CORIN: variants seen among roughly 807,000 people sequenced by gnomAD.
CORIN encodes the protein corin, serine peptidase.
Under a neutral mutation model 125.3 loss-of-function variants are expected in CORIN, and 117 were observed. That is an observed-to-expected ratio of 0.93 (90% CI 0.80 to 1.09). The LOEUF (loss-of-function observed/expected upper bound fraction) is 1.09, where lower values mean the gene tolerates loss of function less well. Ranked by LOEUF, CORIN falls within the 50% of genes least tolerant of loss-of-function variation. The pLI, the probability that CORIN is intolerant of heterozygous loss-of-function variation, is 0.00. For missense variants in CORIN, 1,253 were observed against 1,306.7 expected (o/e 0.96, Z 0.63); for synonymous variants, 450 against 466.4 (o/e 0.96, Z 0.45).
chr4:47,694,000 A>G (rs1200313788), intron 5 of CORIN, among the ~76,000 whole-genome samples: 1 of 152,194 alleles, frequency 6.6e-6, no homozygotes, highest in Non-Finnish European at 1.5e-5. Flanking sequence ...ATCATTATGA[A>G]TTTATGTTTT....
At chr4:47,777,853 G>A (rs1275662965) in intron 3 of CORIN, among the ~76,000 whole-genome samples, 1 of 152,196 alleles carries the variant, frequency 6.6e-6, no homozygotes, top group Non-Finnish European at 1.5e-5. Flanking sequence ...GATTCCCACT[G>A]ATGGGTTTTT....
chr4:47,672,278 T>C (rs971693537), intron 10 of CORIN, among the ~76,000 whole-genome samples: 1 of 152,196 alleles, frequency 6.6e-6, no homozygotes, highest in Non-Finnish European at 1.5e-5. Flanking sequence ...TCCAGTTGCC[T>C]TTCCTACAAT....
At chr4:47,754,019 T>C (rs1358662079) in intron 4 of CORIN, among the ~76,000 whole-genome samples, 1 of 152,176 alleles carries the variant, frequency 6.6e-6, no homozygotes, top group Non-Finnish European at 1.5e-5. Context: ...ATAATACCGA[T>C]GAATTATTGA....
intron 19 of CORIN, among the ~76,000 whole-genome samples, chr4:47,608,647 A>G (rs1481875905): frequency 6.6e-6 from 1 of 152,236 alleles, no homozygotes; most frequent in Non-Finnish European, 1.5e-5. Context: ...TCACGTTTAC[A>G]CTATTGTTTT....
chr4:47,607,953 A>ACG (rs1428498625), intron 19 of CORIN, among the ~76,000 whole-genome samples: 2 of 102,946 alleles, frequency 1.9e-5, no homozygotes, highest in Non-Finnish European at 3.8e-5. Flanking sequence ...TCTCAAAAAA[A>ACG]AGAAAAAAAA....
At chr4:47,815,113 T>C (rs1051582100) in intron 1 of CORIN, among the ~76,000 whole-genome samples, 6 of 152,182 alleles carry the variant, frequency 3.9e-5, no homozygotes, top group Non-Finnish European at 8.8e-5. Context: ...ACTTGTACAA[T>C]ACTTTCTCAG....
At chr4:47,616,702 G>A (rs1377733316) in intron 19 of CORIN, among the ~76,000 whole-genome samples, 1 of 152,096 alleles carries the variant, frequency 6.6e-6, no homozygotes, top group Non-Finnish European at 1.5e-5. Flanking sequence ...AAGAGAATGT[G>A]GGACATGGAG....
In CORIN at chr4:47,674,412, G is replaced by GTT. The variant is rs949723331; in HGVS notation, c.1336_1337dup (p.Asn446LysfsTer5). 12 of 1,612,662 alleles carry GTT rather than the reference G, an allele frequency of 7.4e-6. No individual in the cohort carries two copies. Among genetic ancestry groups the GTT allele is most frequent in the Non-Finnish European group, 1.0e-5 (12 of 1,178,692 alleles). ...ACTTACTACAGTTATTCAGACTGTT[G>GTT]TTCGGGTCACAGAGAGAGCTACCAC... On this transcript the variant is annotated frameshift_variant, in exon 10 of 22. Coordinates refer to ENST00000273857, the MANE Select transcript of CORIN (RefSeq NM_006587.4). LOFTEE classifies it high-confidence loss of function.
chr4:47,803,679 A>G (rs1008086688), intron 2 of CORIN, among the ~76,000 whole-genome samples: 1 of 152,266 alleles, frequency 6.6e-6, no homozygotes, highest in Non-Finnish European at 1.5e-5. Context: ...CTAGACTGCT[A>G]TCTCTCGCTA....
At chr4:47,808,752 A>T (rs913999520) in intron 1 of CORIN, among the ~76,000 whole-genome samples, 26 of 152,246 alleles carry the variant, frequency 1.7e-4, no homozygotes, top group Non-Finnish European at 4.4e-5. Flanking sequence ...CTACAAAAAA[A>T]TCAATCAATA....
intron 6 of CORIN, among the ~76,000 whole-genome samples, chr4:47,691,461 C>G (rs908324386): frequency 3.3e-5 from 5 of 152,018 alleles, no homozygotes; most frequent in African/African-American, 1.2e-4. Context: ...AAGAAAATTC[C>G]AAGTCGTAAA....
chr4:47,782,748 T>C (rs1197919092), intron 3 of CORIN, among the ~76,000 whole-genome samples: 1 of 152,108 alleles, frequency 6.6e-6, no homozygotes, highest in Non-Finnish European at 1.5e-5. Context: ...ACATGCTATA[T>C]CACGGATGCA....
intron 5 of CORIN, among the ~76,000 whole-genome samples, chr4:47,743,509 A>C (rs772185144): frequency 1.3e-5 from 2 of 152,284 alleles, no homozygotes; most frequent in Non-Finnish European, 2.9e-5. Flanking sequence ...TACAACTTTT[A>C]TAAGGAGCTG....
chr4:47,770,743 A>C (rs1051658421), intron 3 of CORIN, among the ~76,000 whole-genome samples: 5 of 152,188 alleles, frequency 3.3e-5, no homozygotes, highest in African/African-American at 1.2e-4. Flanking sequence ...ATGAACCTAG[A>C]GAACATTATG....
At chr4:47,764,845 C>A (rs2109873631) in intron 3 of CORIN, among the ~76,000 whole-genome samples, 1 of 152,220 alleles carries the variant, frequency 6.6e-6, no homozygotes, top group African/African-American at 2.4e-5. Context: ...TTTGACCACA[C>A]CTTTTTATCA....
chr4:47,689,222 C>T (rs1310796577), intron 6 of CORIN, among the ~76,000 whole-genome samples: 1 of 152,124 alleles, frequency 6.6e-6, no homozygotes, highest in East Asian at 1.9e-4. Flanking sequence ...AATCCTAGTG[C>T]TTTTTGAGAC....
At chr4:47,636,183 C>T (rs565836796) in intron 16 of CORIN, among the ~76,000 whole-genome samples, 218 of 152,236 alleles carry the variant, frequency 1.4e-3, no homozygotes, top group African/African-American at 5.1e-3. Context: ...AAGATTAGGG[C>T]ATAAAATCAA....
At chr4:47,801,906 G>A (rs1398093316) in intron 2 of CORIN, among the ~76,000 whole-genome samples, 2 of 152,226 alleles carry the variant, frequency 1.3e-5, no homozygotes, top group Non-Finnish European at 2.9e-5. Context: ...ATGACCTACT[G>A]AGACACAAGC....
At chr4:47,706,304 C>T in intron 5 of CORIN, 1 of 1,162,248 alleles carries the variant, frequency 8.6e-7, no homozygotes, top group Non-Finnish European at 1.3e-6. Context: ...CTGCTCTACT[C>T]TATGGACTTT....
Sources: allele counts gnomAD v4.1 joint callset (sites outside exome capture counted in the v4.1 genomes callset), GRCh38; gene constraint gnomAD v4.1.1; transcripts MANE v1.5; gene names NCBI Gene and HGNC (gene_info 2026-07-23, HGNC 2026-07-21).